KLF13: variants seen among roughly 807,000 people sequenced by gnomAD.
KLF13 encodes the protein KLF transcription factor 13, also known as Krueppel-like factor 13.
KLF13 carries 8 observed loss-of-function variants against 16.7 expected under a neutral mutation model. That is an observed-to-expected ratio of 0.48 (90% CI 0.28 to 0.87). The LOEUF is 0.87. KLF13 is among the 40% of genes least tolerant of loss of function. The pLI, the probability that KLF13 is intolerant of heterozygous loss-of-function variation, is 0.10. For synonymous variants in KLF13, 245 were observed against 208.4 expected, an observed-to-expected ratio of 1.18 and a Z score of -1.51; for missense variants, 447 against 452.2, an observed-to-expected ratio of 0.99 and a Z score of 0.10.
chr15:31,327,660 A>G lies in KLF13; in HGVS notation c.448A>G (p.Arg150Gly). The G allele has an allele frequency of 1.3e-6, 2 of 1,488,068 alleles. No homozygotes were observed. Among genetic ancestry groups the G allele is most frequent in the South Asian group, 1.2e-5 (1 of 81,142 alleles). The allele number at this position is 1,488,068 out of a possible 1,614,324, so 92.2% of individuals were successfully genotyped here. Residue 150 changes from arginine (R) to glycine (G), a missense_variant, in exon 1 of 2, where the codon AGG becomes GGG. Coordinates refer to ENST00000307145, the MANE Select transcript of KLF13 (RefSeq NM_015995.4). ...GAGCGGCGAGCCCGGCCTCAGACAA[A>G]GGGTCCGGCGGGGCCGAAGTCGCGC... Reference protein sequence around the residue: ...AGSGEPGLRQRVRRGRSRADL... With the variant: ...AGSGEPGLRQGVRRGRSRADL...
intron 1 of KLF13, among the ~76,000 whole-genome samples, chr15:31,348,602 G>A (rs1299407512): frequency 6.6e-6 from 1 of 152,006 alleles, no homozygotes; most frequent in African/African-American, 2.4e-5. Context: ...TGCCTGCTCT[G>A]GCCACTGATG....
Position 31,329,139 on chromosome 15 carries a change from T to TG in KLF13, c.577+1354dup, listed in dbSNP as rs575153463. ...CCGCTCCAAACCACGTGGCAGGTGA[T>TG]GGGGTAGAGGGTGAGAGCGGGGCCA... On this transcript the variant is annotated intron_variant, in intron 1 of 1. Transcript: ENST00000307145. Among the ~76,000 whole-genome samples the TG allele has an allele frequency of 8.4e-4, 119 of 141,268 alleles. 1 individual carries two copies. Among genetic ancestry groups the TG allele is most frequent in the African/African-American group, 2.9e-3 (108 of 37,174 alleles). The allele number at this position is 141,268 out of a possible 152,430, so 92.7% of individuals were successfully genotyped here.
intron 1 of KLF13, among the ~76,000 whole-genome samples, chr15:31,367,970 A>G (rs1170927648): frequency 6.6e-6 from 1 of 152,126 alleles, no homozygotes; most frequent in African/African-American, 2.4e-5. Context: ...AGAGGCTCTG[A>G]GGGAGAATCC....
downstream of KLF13, among the ~76,000 whole-genome samples, chr15:31,381,933 G>A (rs936131343): frequency 2.6e-5 from 4 of 152,174 alleles, no homozygotes; most frequent in Non-Finnish European, 5.9e-5. Context: ...CGTGCCAGAC[G>A]CAGCTGGGCC....
chr15:31,409,077 G>A (rs908582857), downstream of KLF13, among the ~76,000 whole-genome samples: 2 of 152,158 alleles, frequency 1.3e-5, no homozygotes, highest in Non-Finnish European at 2.9e-5. Flanking sequence ...CTGAGGTCAG[G>A]AGTTCCAGAC....
chr15:31,354,762 A>G (rs1374907978), intron 1 of KLF13, among the ~76,000 whole-genome samples: 1 of 152,044 alleles, frequency 6.6e-6, no homozygotes, highest in East Asian at 1.9e-4. Flanking sequence ...CATTTTCAGC[A>G]CCTGCTAGCC....
intron 2 of KLF13, chr15:31,403,415 C>G (rs1204439170): frequency 6.6e-6 from 1 of 152,110 alleles, no homozygotes; most frequent in South Asian, 2.1e-4. Flanking sequence ...ATAATGAAAC[C>G]CTTGATTTTT....
chr15:31,402,956 C>T (rs2040061604), intron 2 of KLF13, among the ~76,000 whole-genome samples: 2 of 152,220 alleles, frequency 1.3e-5, no homozygotes, highest in East Asian at 1.9e-4. Context: ...CTCGCTATCC[C>T]TTGCAGCCAC....
At chr15:31,398,804 A>G (rs1303797943) in intron 2 of KLF13, among the ~76,000 whole-genome samples, 1 of 152,150 alleles carries the variant, frequency 6.6e-6, no homozygotes, top group African/African-American at 2.4e-5. Flanking sequence ...CAGGGCAGCT[A>G]TAGGACTCTG....
In KLF13 at chr15:31,376,543, G is replaced by T. The variant is rs536724648; in HGVS notation, c.*4244G>T. On this transcript the variant is annotated 3_prime_UTR_variant, in exon 2 of 2. Transcript: ENST00000307145. ...GTGGGCTGATGGTTTTTGAAATCAGGATTACCCCAGGAAGAACCAGGTCCT... is the reference window on the plus strand; with the variant it reads ...GTGGGCTGATGGTTTTTGAAATCAGTATTACCCCAGGAAGAACCAGGTCCT... 3.9e-5 allele frequency: 6 copies of T among 152,664 alleles called. No individual in the cohort carries two copies. The highest frequency in any genetic ancestry group is 8.8e-5 in the Non-Finnish European group (6 of 68,022). The allele number at this position is 152,664 out of a possible 1,614,324, so 9.5% of individuals were successfully genotyped here. A position where few individuals can be genotyped will look rare whatever the true frequency, so the allele number is the denominator to read the frequency against.
At chr15:31,420,858 AAT>A (rs1225427322) in intron 1 of KLF13, among the ~76,000 whole-genome samples, 1 of 151,850 alleles carries the variant, frequency 6.6e-6, no homozygotes, top group Non-Finnish European at 1.5e-5. Flanking sequence ...ATGCCCGGCT[AAT>A]TTTGATATTT....
downstream of KLF13, chr15:31,378,017 A>G (rs1266733535): frequency 6.6e-6 from 1 of 152,120 alleles, no homozygotes; most frequent in Non-Finnish European, 1.5e-5. Context: ...GCTTGCCTGG[A>G]ACTTGGCGGG....
At chr15:31,412,037 A>G (rs568794526) in intron 1 of KLF13, among the ~76,000 whole-genome samples, 17 of 152,302 alleles carry the variant, frequency 1.1e-4, no homozygotes, top group African/African-American at 3.8e-4. Context: ...GAAGTTATAT[A>G]TTGAAACTGA....
At chr15:31,346,787 C>A (rs1790043665) in intron 1 of KLF13, among the ~76,000 whole-genome samples, 1 of 152,240 alleles carries the variant, frequency 6.6e-6, no homozygotes, top group Non-Finnish European at 1.5e-5. Flanking sequence ...GGGGCCAGGG[C>A]TCCTGCCGGC....
intron 1 of KLF13, among the ~76,000 whole-genome samples, chr15:31,425,907 C>G (rs937593065): frequency 6.6e-6 from 1 of 152,150 alleles, no homozygotes; most frequent in African/African-American, 2.4e-5. Context: ...ATGCCTTTAA[C>G]AGCACCCAAG....
chr15:31,348,997 C>T (rs2039172778), intron 1 of KLF13, among the ~76,000 whole-genome samples: 1 of 152,172 alleles, frequency 6.6e-6, no homozygotes, highest in Non-Finnish European at 1.5e-5. Flanking sequence ...ATGACATTAT[C>T]ACCTTCCAGA....
At chr15:31,332,252 T>A (rs2038846475) in intron 1 of KLF13, among the ~76,000 whole-genome samples, 1 of 152,222 alleles carries the variant, frequency 6.6e-6, no homozygotes, top group Non-Finnish European at 1.5e-5. Context: ...TAGTCCCCGC[T>A]CTGAGGGAGA....
In KLF13 at chr15:31,382,916, T is replaced by C. The variant is rs1208661352; in HGVS notation, n.224-52454T>C. Among the ~76,000 whole-genome samples, 8 of 152,236 alleles carry C rather than the reference T, an allele frequency of 5.3e-5. 1 individual carries two copies. The highest frequency in any genetic ancestry group is 5.2e-4 in the Admixed American group (8 of 15,286). ...CACATGATAGGCCCAAGGAGCTCAGTCTGGGTGTCCTGACCCCAGCTCCAG... is the reference window on the plus strand; with the variant it reads ...CACATGATAGGCCCAAGGAGCTCAGCCTGGGTGTCCTGACCCCAGCTCCAG... On this transcript the variant is annotated intron_variant and non_coding_transcript_variant, in intron 1 of 1. Transcript: ENST00000558921.
exon 3 of KLF13, chr15:31,403,791 A>G (rs956579469): frequency 1.5e-4 from 23 of 152,188 alleles, no homozygotes; most frequent in African/African-American, 5.3e-4. Context: ...GATTTTTTCA[A>G]CCCATAGTCA....
Sources: gnomAD v4.1 joint callset for allele counts (sites outside exome capture counted in the v4.1 genomes callset) on GRCh38, gnomAD v4.1.1 for gene constraint, MANE v1.5 for transcripts, NCBI Gene and HGNC (gene_info 2026-07-23, HGNC 2026-07-21) for gene names.